MPDZ: variants seen among roughly 807,000 people sequenced by gnomAD.
MPDZ encodes the protein multiple PDZ domain protein.
MPDZ carries 234 observed loss-of-function variants against 239.1 expected under a neutral mutation model. The observed-to-expected ratio is 0.98, with a 90% confidence interval of 0.88 to 1.09. The LOEUF (loss-of-function observed/expected upper bound fraction) is 1.09, where lower values mean the gene tolerates loss of function less well. MPDZ is among the 50% of genes least tolerant of loss of function. The pLI is 0.00. For missense variants in MPDZ, 3,175 were observed against 2,510.0 expected (o/e 1.26, Z -5.66); for synonymous variants, 1,048 against 881.3 (o/e 1.19, Z -3.35).
At chr9:13,137,840 A>G (rs1249213163) in intron 29 of MPDZ, 117 bp downstream of exon 29, 2 of 1,077,272 alleles carry the variant, frequency 1.9e-6, no homozygotes, top group Non-Finnish European at 2.6e-6. Context: ...CATCTATTTT[A>G]TTAAGCAAGC....
At position 13,236,920 on chromosome 9, in the gene MPDZ, C is replaced by T. The variant is rs559017717; in HGVS notation, c.183+10715G>A. Among the ~76,000 whole-genome samples the T allele has an allele frequency of 1.6e-3, 247 of 151,214 alleles. 1 individual carries two copies. The highest frequency in any genetic ancestry group is 1.8e-3 in the Admixed American group (27 of 15,176). On this transcript the variant is annotated intron_variant, in intron 3 of 46. Coordinates refer to ENST00000319217, the MANE Select transcript of MPDZ (RefSeq NM_001378778.1). ...AAATAATGGGTTATTTTTTCAAATA[C>T]GTTTGATCTTTTTTAATAGTATCTT...
Position 13,112,883 on chromosome 9 carries a change from T to G in MPDZ, c.5601+128A>C, listed in dbSNP as rs569045295. On this transcript the variant is annotated intron_variant, in intron 42 of 46. Coordinates refer to ENST00000319217, the MANE Select transcript of MPDZ (RefSeq NM_001378778.1). ...AAGGACTACATTATGTTATTTCACA[T>G]GTAATATGTAAGAATACATACTTTT... is the stretch of plus-strand genomic sequence containing the variant. The G allele has an allele frequency of 1.0e-3, 880 of 883,912 alleles. 8 individuals are homozygous for G. The South Asian group carries it at 0.014, about 14-fold the overall frequency. 54.8% of individuals were successfully genotyped at this position (883,912 alleles called of 1,614,324 possible).
At chr9:13,165,362 C>G in intron 22 of MPDZ, 1 of 1,549,520 alleles carries the variant, frequency 6.5e-7, no homozygotes, top group Non-Finnish European at 8.7e-7. Flanking sequence ...ATCACTGATA[C>G]TCACACATAA....
chr9:13,193,741 C>T (rs1211582532), intron 13 of MPDZ, among the ~76,000 whole-genome samples: 2 of 152,130 alleles, frequency 1.3e-5, no homozygotes, highest in Non-Finnish European at 2.9e-5. Flanking sequence ...AATGATCAAA[C>T]CTTAAAACCA....
intron 3 of MPDZ, among the ~76,000 whole-genome samples, chr9:13,226,892 A>T (rs1271576779): frequency 1.3e-5 from 2 of 152,174 alleles, no homozygotes; most frequent in African/African-American, 4.8e-5. Flanking sequence ...CTCTGATCCA[A>T]TCTCCTGAAC....
chr9:13,232,865 G>GAA (rs751725550), intron 3 of MPDZ, among the ~76,000 whole-genome samples: 8 of 76,434 alleles, frequency 1.0e-4, no homozygotes, highest in African/African-American at 2.4e-4. Flanking sequence ...AAAATGGGTG[G>GAA]AAAAAAAAAA....
chr9:13,232,454 G>T (rs1962768826), intron 3 of MPDZ, among the ~76,000 whole-genome samples: 1 of 151,842 alleles, frequency 6.6e-6, no homozygotes, highest in African/African-American at 2.4e-5. Flanking sequence ...AATGGTTCTG[G>T]GTCAAATGGA....
At chr9:13,197,188 A>T (rs1260660451) in intron 12 of MPDZ, among the ~76,000 whole-genome samples, 6 of 151,652 alleles carry the variant, frequency 4.0e-5, no homozygotes, top group Admixed American at 3.9e-4. Context: ...TTTAGTTTGA[A>T]GACTAGCCTC....
intron 23 of MPDZ, among the ~76,000 whole-genome samples, chr9:13,159,687 T>C (rs1443764420): frequency 6.6e-6 from 1 of 152,166 alleles, no homozygotes; most frequent in Non-Finnish European, 1.5e-5. Flanking sequence ...AGAAACACCG[T>C]AGCCACAATG....
In MPDZ at chr9:13,115,234, C is replaced by T; in HGVS notation, c.5466+14G>A. ...GCCGATTGCATCGCCCTGATGAACT[C>T]CACAGCTACCCACCTGGCTGCTTTG... On this transcript the variant is annotated intron_variant, in intron 40 of 46. Transcript: ENST00000319217. 6.2e-7 allele frequency: 1 copy of T among 1,609,282 alleles called. No homozygotes were observed. The highest frequency in any genetic ancestry group is 8.5e-7 in the Non-Finnish European group (1 of 1,177,014).
At chr9:13,185,670 T>G (rs960386643) in intron 18 of MPDZ, among the ~76,000 whole-genome samples, 5 of 152,136 alleles carry the variant, frequency 3.3e-5, no homozygotes, top group Non-Finnish European at 4.4e-5. Flanking sequence ...AGAAAAAGTT[T>G]CTTAAGGGCA....
At chr9:13,203,849 T>C (rs938321525) in intron 12 of MPDZ, among the ~76,000 whole-genome samples, 3 of 151,860 alleles carry the variant, frequency 2.0e-5, no homozygotes, top group Non-Finnish European at 2.9e-5. Context: ...TTCTGCGCCT[T>C]GGAGACGACT....
intron 1 of MPDZ, chr9:13,276,424 A>T (rs1386765847): frequency 2.0e-5 from 3 of 152,316 alleles, no homozygotes; most frequent in East Asian, 3.9e-4. Flanking sequence ...GCATGACACT[A>T]ATTTACAAGA....
chr9:13,207,691 C>T (rs1957153738), intron 10 of MPDZ, among the ~76,000 whole-genome samples: 2 of 152,180 alleles, frequency 1.3e-5, no homozygotes, highest in African/African-American at 4.8e-5. Context: ...TTTAATTTTA[C>T]ATTTTCTGCT....
chr9:13,220,128 C>T (rs2136232873), intron 7 of MPDZ, among the ~76,000 whole-genome samples: 2 of 152,004 alleles, frequency 1.3e-5, no homozygotes, highest in African/African-American at 4.8e-5. Context: ...GTATATAAAT[C>T]ACCATGCAAA....
chr9:13,174,517 T>C (rs1355243745), intron 21 of MPDZ, among the ~76,000 whole-genome samples: 1 of 152,164 alleles, frequency 6.6e-6, no homozygotes, highest in African/African-American at 2.4e-5. Context: ...CAATGCACAC[T>C]GGAGTATAAA....
chr9:13,107,425 C>A (rs1165988568), intron 46 of MPDZ, among the ~76,000 whole-genome samples: 1 of 152,048 alleles, frequency 6.6e-6, no homozygotes. Context: ...TGGGAATTTG[C>A]CTAGTAGGAA....
At chr9:13,226,975 C>G (rs772195204) in intron 3 of MPDZ, among the ~76,000 whole-genome samples, 4 of 151,948 alleles carry the variant, frequency 2.6e-5, no homozygotes, top group Admixed American at 2.6e-4. Context: ...TTGTTTGTGA[C>G]CTAGATTTTT....
intron 46 of MPDZ, among the ~76,000 whole-genome samples, chr9:13,107,462 A>G (rs28362550): frequency 0.12 from 18,105 of 152,212 alleles, 1,475 homozygotes; most frequent in African/African-American, 0.21. Context: ...AGGATTTTCT[A>G]TCCTGTAAAT....
Sources: gnomAD v4.1 joint callset for allele counts (sites outside exome capture counted in the v4.1 genomes callset) on GRCh38, gnomAD v4.1.1 for gene constraint, MANE v1.5 for transcripts, NCBI Gene and HGNC (gene_info 2026-07-23, HGNC 2026-07-21) for gene names.